Variants in LRP1B observed in about 807,000 individuals in gnomAD.
LRP1B encodes low-density lipoprotein receptor-related protein 1B.
Under a neutral mutation model 556.6 loss-of-function variants are expected in LRP1B, and 217 were observed. The ratio of observed to expected loss-of-function variants is 0.39; its 90% CI spans 0.35 to 0.44. The LOEUF is 0.44. LRP1B is among the 20% of genes least tolerant of loss of function. The pLI is 1.00. For missense variants in LRP1B, 5,053 were observed against 5,620.8 expected (o/e 0.90, Z 3.23); for synonymous variants, 2,047 against 1,865.8 (o/e 1.10, Z -2.50).
chr2:141,581,006 G>A (rs953921536), intron 2 of LRP1B, among the ~76,000 whole-genome samples: 3 of 152,176 alleles, frequency 2.0e-5, no homozygotes, highest in Admixed American at 1.3e-4. Context: ...TCATCTAAAT[G>A]TACCAGGTAT....
chr2:141,003,006 C>A (rs1697469331), intron 15 of LRP1B, among the ~76,000 whole-genome samples: 1 of 151,852 alleles, frequency 6.6e-6, no homozygotes, highest in African/African-American at 2.4e-5. Flanking sequence ...GTAGTTGGAA[C>A]TTAAAATAAT....
At chr2:141,454,707 T>C (rs1681563781) in intron 3 of LRP1B, among the ~76,000 whole-genome samples, 1 of 106,068 alleles carries the variant, frequency 9.4e-6, no homozygotes, top group South Asian at 3.2e-4. Context: ...CCTTTATACT[T>C]TTTCTTTCGT....
rs115758254 is a variant in LRP1B at position 141,265,048 on chromosome 2, G to A, written c.344-10407C>T. ...CTGCTCCTGCTAATGCACCTCCATC[G>A]GGCACCGAGCCCTTCCCGGAGATGA... is the stretch of plus-strand genomic sequence containing the variant. On this transcript the variant is annotated intron_variant, in intron 3 of 90. Transcript: ENST00000389484. 2.0e-3 allele frequency among the ~76,000 whole-genome samples: 311 copies of A among 152,218 alleles called. 2 individuals are homozygous for A. The highest frequency in any genetic ancestry group is 7.0e-3 in the African/African-American group (290 of 41,542).
chr2:141,171,614 A>G (rs1393535582), intron 7 of LRP1B, among the ~76,000 whole-genome samples: 1 of 152,078 alleles, frequency 6.6e-6, no homozygotes, highest in Admixed American at 6.6e-5. Flanking sequence ...AAAACTTCCA[A>G]ACATCTCATC....
intron 3 of LRP1B, among the ~76,000 whole-genome samples, chr2:141,330,167 T>C (rs2683850): frequency 0.59 from 89,656 of 152,072 alleles, 27,502 homozygotes; most frequent in African/African-American, 0.71. Context: ...TGCACAAATT[T>C]GAACTTAGTA....
At chr2:141,264,826 G>A (rs894529426) in intron 3 of LRP1B, among the ~76,000 whole-genome samples, 4 of 152,086 alleles carry the variant, frequency 2.6e-5, no homozygotes, top group African/African-American at 9.7e-5. Context: ...AAGTAATGAG[G>A]CCATTTGCTT....
chr2:141,893,410 AG>A (rs2104918632), intron 1 of LRP1B, among the ~76,000 whole-genome samples: 1 of 152,296 alleles, frequency 6.6e-6, no homozygotes, highest in East Asian at 1.9e-4. Context: ...CATGTTGGTC[AG>A]GCAGGTCTTG....
intron 3 of LRP1B, among the ~76,000 whole-genome samples, chr2:141,329,655 A>AAACAAAACAAAAC (rs1553497025): frequency 0.057 from 7,921 of 138,034 alleles, 784 homozygotes; most frequent in African/African-American, 0.2. Flanking sequence ...AAAAAAAAAA[A>AAACAAAACAAAAC]AAAAAAAAAA....
At chr2:140,681,904 T>C (rs1488012667) in intron 41 of LRP1B, among the ~76,000 whole-genome samples, 1 of 152,188 alleles carries the variant, frequency 6.6e-6, no homozygotes, top group African/African-American at 2.4e-5. Flanking sequence ...AACAGTCATA[T>C]AGATGAGATT....
intron 7 of LRP1B, among the ~76,000 whole-genome samples, chr2:141,089,758 G>T (rs925721242): frequency 6.6e-6 from 1 of 152,132 alleles, no homozygotes; most frequent in Non-Finnish European, 1.5e-5. Flanking sequence ...AGCTCTTAGG[G>T]TTAATTGTCT....
chr2:141,302,644 A>G (rs1322707815), intron 3 of LRP1B, among the ~76,000 whole-genome samples: 1 of 152,148 alleles, frequency 6.6e-6, no homozygotes, highest in Non-Finnish European at 1.5e-5. Context: ...AATATAGAAC[A>G]GCCCTATTGT....
intron 2 of LRP1B, among the ~76,000 whole-genome samples, chr2:141,570,438 T>A (rs571527031): frequency 6.6e-6 from 1 of 151,284 alleles, no homozygotes; most frequent in Non-Finnish European, 1.5e-5. Context: ...CACTTGCGAA[T>A]CTACACCACC....
intron 2 of LRP1B, among the ~76,000 whole-genome samples, chr2:141,650,072 TGGG>T (rs2105377485): frequency 6.6e-6 from 1 of 152,134 alleles, no homozygotes; most frequent in East Asian, 1.9e-4. Context: ...CCCAGCTAGT[TGGG>T]GGGCTGAGGC....
intron 3 of LRP1B, among the ~76,000 whole-genome samples, chr2:141,339,682 G>C (rs1687983504): frequency 1.3e-5 from 2 of 152,102 alleles, no homozygotes; most frequent in African/African-American, 4.8e-5. Context: ...ATGTGGCGTG[G>C]TTTCAACATG....
intron 66 of LRP1B, among the ~76,000 whole-genome samples, chr2:140,405,052 T>C (rs988403178): frequency 6.6e-6 from 1 of 152,174 alleles, no homozygotes; most frequent in Non-Finnish European, 1.5e-5. Context: ...AGAGTAAAAC[T>C]AGAAATCAAT....
At chr2:142,030,487 A>G in intron 1 of LRP1B, among the ~76,000 whole-genome samples, 1 of 152,060 alleles carries the variant, frequency 6.6e-6, no homozygotes, top group South Asian at 2.1e-4. Context: ...AATTAAGTTG[A>G]TACTGAGAAA....
intron 84 of LRP1B, among the ~76,000 whole-genome samples, chr2:140,283,690 A>G (rs1683011147): frequency 6.6e-6 from 1 of 151,784 alleles, no homozygotes; most frequent in Admixed American, 6.6e-5. Flanking sequence ...ACAAACTGCC[A>G]TTGTAAAATG....
chr2:140,820,173 C>T (rs1188701567), intron 31 of LRP1B, among the ~76,000 whole-genome samples: 1 of 152,010 alleles, frequency 6.6e-6, no homozygotes, highest in Non-Finnish European at 1.5e-5. Context: ...TAGAGACAGG[C>T]TTTGCCACAT....
chr2:140,594,759 A>T (rs1264498340), intron 43 of LRP1B, among the ~76,000 whole-genome samples: 2 of 152,106 alleles, frequency 1.3e-5, no homozygotes, highest in Non-Finnish European at 2.9e-5. Flanking sequence ...GTTAGAAAAT[A>T]TGCAATTATG....
Sources: allele counts gnomAD v4.1 joint callset (sites outside exome capture counted in the v4.1 genomes callset), GRCh38; gene constraint gnomAD v4.1.1; transcripts MANE v1.5; gene names NCBI Gene and HGNC (gene_info 2026-07-23, HGNC 2026-07-21).